Variants in STPG2 observed in about 807,000 individuals in gnomAD.
STPG2 encodes the protein sperm-tail PG-rich repeat-containing protein 2.
STPG2 carries 56 observed loss-of-function variants against 54.2 expected under a neutral mutation model. The observed-to-expected ratio is 1.03, with a 90% CI of 0.83 to 1.29. The LOEUF (loss-of-function observed/expected upper bound fraction) is 1.29. Among genes scored for constraint, STPG2 ranks in the 50% most tolerant of loss-of-function variants. STPG2 has a pLI of 0.00. For missense variants in STPG2, 596 were observed against 544.9 expected (o/e 1.09, Z -0.93); for synonymous variants, 200 against 181.8 (o/e 1.10, Z -0.81).
intron 9 of STPG2, among the ~76,000 whole-genome samples, chr4:97,727,676 G>GA (rs1185276124): frequency 6.7e-6 from 1 of 150,262 alleles, no homozygotes; most frequent in Non-Finnish European, 1.5e-5. Context: ...CACACATAAA[G>GA]AAAAAATACA....
chr4:97,947,678 T>C (rs1733288099), intron 7 of STPG2, among the ~76,000 whole-genome samples: 1 of 152,126 alleles, frequency 6.6e-6, no homozygotes, highest in African/African-American at 2.4e-5. Context: ...TGGTTTTTGT[T>C]TTTAATTGTT....
chr4:98,077,225 TTTGTTGTTGTTGTTG>T (rs56140336), intron 5 of STPG2, among the ~76,000 whole-genome samples: 1 of 148,570 alleles, frequency 6.7e-6, no homozygotes, highest in East Asian at 2.0e-4. Flanking sequence ...CCTCAATAGT[TTTGTTGTTGTTGTTG>T]TTGTTGTTGT....
intron 4 of STPG2, among the ~76,000 whole-genome samples, chr4:97,473,524 C>T (rs1729995848): frequency 6.6e-6 from 1 of 152,128 alleles, no homozygotes; most frequent in Non-Finnish European, 1.5e-5. Flanking sequence ...AACCCTGTCT[C>T]CTGATAAGAT....
intron 8 of STPG2, among the ~76,000 whole-genome samples, chr4:97,919,497 T>A (rs1028921232): frequency 6.6e-6 from 1 of 151,658 alleles, no homozygotes. Flanking sequence ...AAGAGGGAAC[T>A]TAACTATAGT....
At chr4:98,015,620 T>C (rs1243517984) in intron 5 of STPG2, among the ~76,000 whole-genome samples, 1 of 152,150 alleles carries the variant, frequency 6.6e-6, no homozygotes, top group Non-Finnish European at 1.5e-5. Flanking sequence ...GAGTGTAAAT[T>C]AGTTCAACCA....
Position 97,780,571 on chromosome 4 carries a change from A to C in STPG2, c.1204+60202T>G, listed in dbSNP as rs564262962. Among the ~76,000 whole-genome samples, 219 of 114,210 alleles carry C rather than the reference A, an allele frequency of 1.9e-3. 2 individuals are homozygous for C. The highest frequency in any genetic ancestry group is 7.6e-3 in the African/African-American group (215 of 28,122). The allele number at this position is 114,210 out of a possible 152,430, so 74.9% of individuals were successfully genotyped here. ...TCCAGGAATTGAACTCAGCTCTGCA[A>C]CAAGTGGACCTAATAGACATCTGCA... On this transcript the variant is annotated intron_variant, in intron 9 of 10. Transcript: ENST00000295268.
chr4:97,510,213 G>C (rs1343649779), intron 4 of STPG2, among the ~76,000 whole-genome samples: 2 of 152,086 alleles, frequency 1.3e-5, no homozygotes, highest in Non-Finnish European at 2.9e-5. Context: ...ATGAAGAAGG[G>C]TTAACATTAC....
At chr4:97,600,726 A>C (rs1436339916) in intron 10 of STPG2, among the ~76,000 whole-genome samples, 1 of 152,172 alleles carries the variant, frequency 6.6e-6, no homozygotes, top group African/African-American at 2.4e-5. Flanking sequence ...ATGCATATGC[A>C]TAGTGGGGGA....
chr4:98,026,321 GA>G (rs1293896682), intron 5 of STPG2: 108 of 554,184 alleles, frequency 1.9e-4, no homozygotes, highest in South Asian at 3.4e-4. Flanking sequence ...AGTATGGACA[GA>G]AAAAAAAATG....
At chr4:97,841,800 A>C (rs1450046281) in intron 8 of STPG2, among the ~76,000 whole-genome samples, 2 of 151,772 alleles carry the variant, frequency 1.3e-5, no homozygotes, top group African/African-American at 4.8e-5. Flanking sequence ...GAGTTTTTGC[A>C]TGTGAAAAGT....
At chr4:97,687,227 G>A (rs1723224427) in intron 10 of STPG2, among the ~76,000 whole-genome samples, 1 of 152,042 alleles carries the variant, frequency 6.6e-6, no homozygotes, top group African/African-American at 2.4e-5. Flanking sequence ...TGGGATTACA[G>A]GCATGAGCCA....
At chr4:97,550,701 G>C (rs1391808293) in intron 4 of STPG2, among the ~76,000 whole-genome samples, 1 of 152,114 alleles carries the variant, frequency 6.6e-6, no homozygotes, top group Admixed American at 6.6e-5. Flanking sequence ...CTTAAAGATG[G>C]TGTGTCCAGA....
At chr4:97,681,174 T>C (rs1164853937) in intron 10 of STPG2, among the ~76,000 whole-genome samples, 1 of 151,906 alleles carries the variant, frequency 6.6e-6, no homozygotes, top group Non-Finnish European at 1.5e-5. Context: ...GATGAAAATT[T>C]TTTTAAAAGT....
At chr4:97,475,929 G>A (rs958782628) in intron 4 of STPG2, among the ~76,000 whole-genome samples, 1 of 151,656 alleles carries the variant, frequency 6.6e-6, no homozygotes, top group African/African-American at 2.4e-5. Context: ...TTTTCTTTAC[G>A]CCACTTACTA....
chr4:97,820,022 A>G, intron 9 of STPG2, among the ~76,000 whole-genome samples: 1 of 152,056 alleles, frequency 6.6e-6, no homozygotes, highest in East Asian at 1.9e-4. Flanking sequence ...TAGCAAGTCT[A>G]TCAGCTCTCA....
At chr4:98,003,003 G>A (rs1735459424) in intron 5 of STPG2, among the ~76,000 whole-genome samples, 1 of 151,958 alleles carries the variant, frequency 6.6e-6, no homozygotes, top group Non-Finnish European at 1.5e-5. Context: ...CTCAATGGTG[G>A]GCAGCTTAAT....
chr4:97,518,027 G>C (rs1731109844), intron 4 of STPG2, among the ~76,000 whole-genome samples: 1 of 152,036 alleles, frequency 6.6e-6, no homozygotes, highest in African/African-American at 2.4e-5. Context: ...AAGTTTTATA[G>C]CTTTAGTATT....
rs566526296 is a variant in STPG2, at chr4:97,655,590, G to A, written c.1320+57109C>T. On this transcript the variant is annotated intron_variant, in intron 10 of 10. Coordinates refer to ENST00000295268, the MANE Select transcript of STPG2 (RefSeq NM_174952.3). ...AGAAAACATTTCCACTGTTTATCGA[G>A]ATCAAAAATGTATAAAACCACTATA... Among the ~76,000 whole-genome samples the A allele has an allele frequency of 3.3e-5, 5 of 152,096 alleles. No individual in the cohort carries two copies. The South Asian group carries it at 1.0e-3, about 32-fold the overall frequency.
At chr4:97,977,757 A>C (rs1734543690) in intron 6 of STPG2, among the ~76,000 whole-genome samples, 1 of 152,210 alleles carries the variant, frequency 6.6e-6, no homozygotes, top group Admixed American at 6.5e-5. Context: ...TGAGTAGCAA[A>C]CAATTATACG....
Sources: gnomAD v4.1 joint callset for allele counts (sites outside exome capture counted in the v4.1 genomes callset) on GRCh38, gnomAD v4.1.1 for gene constraint, MANE v1.5 for transcripts, NCBI Gene and HGNC (gene_info 2026-07-23, HGNC 2026-07-21) for gene names.